BAIAP2L2: variants seen among roughly 807,000 people sequenced by gnomAD.
BAIAP2L2 encodes the protein BAR/IMD domain containing adaptor protein 2 like 2, also known as BAR/IMD domain-containing adapter protein 2-like 2.
A neutral mutation model predicts 60.4 loss-of-function variants in BAIAP2L2; 65 were observed. That is an observed-to-expected ratio of 1.08 (90% CI 0.88 to 1.32). BAIAP2L2 has a LOEUF of 1.32. Ranked by LOEUF, BAIAP2L2 falls within the 40% of genes most tolerant of loss-of-function variation. BAIAP2L2 has a pLI of 0.00. For synonymous variants in BAIAP2L2, 344 were observed against 301.7 expected, an observed-to-expected ratio of 1.14 and a Z score of -1.45; for missense variants, 836 against 741.2, an observed-to-expected ratio of 1.13 and a Z score of -1.48.
chr22:38,109,089 C>T, intron 2 of BAIAP2L2, 44 bp downstream of exon 2: 1 of 1,532,744 alleles, frequency 6.5e-7, no homozygotes. Context: ...GTGGGAACAG[C>T]AGAGGCCCAG....
intron 5 of BAIAP2L2, 115 bp from the exon 6 acceptor site, chr22:38,098,294 T>G: frequency 6.9e-7 from 1 of 1,443,674 alleles, no homozygotes; most frequent in Non-Finnish European, 9.7e-7. Context: ...GCTGGGAACA[T>G]GGATAATCTG....
At chr22:38,106,627 A>G (rs1333046568) in intron 4 of BAIAP2L2, among the ~76,000 whole-genome samples, 2 of 151,226 alleles carry the variant, frequency 1.3e-5, no homozygotes, top group Non-Finnish European at 2.9e-5. Flanking sequence ...GCTCCCCTTC[A>G]CACATTGGAG....
chr22:38,105,538 T>G (rs5750539), intron 4 of BAIAP2L2, among the ~76,000 whole-genome samples: 66,983 of 151,610 alleles, frequency 0.44, 16,198 homozygotes, highest in South Asian at 0.63. Flanking sequence ...AGACAAGGTT[T>G]CACCATGTTG....
Position 38,095,781 on chromosome 22 carries a change from A to G in BAIAP2L2, c.612+1251T>C, listed in dbSNP as rs1215334599. ...TGGCATTTTTGGAAAATAGGTGGAT[A>G]TATATGTGATTATGAAAGTCACAAA... On this transcript the variant is annotated intron_variant, in intron 7 of 13. Coordinates refer to ENST00000381669, the MANE Select transcript of BAIAP2L2 (RefSeq NM_025045.6). 2.0e-5 allele frequency among the ~76,000 whole-genome samples: 3 copies of G among 152,316 alleles called. No homozygotes were observed. In the East Asian group the frequency reaches 5.8e-4, roughly 29 times the overall value.
Position 38,089,624 on chromosome 22 carries a change from C to A in BAIAP2L2, c.663G>T (p.Glu221Asp). 8.1e-7 allele frequency: 1 copy of A among 1,233,046 alleles called. No homozygotes were observed. Among genetic ancestry groups the A allele is most frequent in the Non-Finnish European group, 1.0e-6 (1 of 989,036 alleles). The allele number at this position is 1,233,046 out of a possible 1,614,324, so 76.4% of individuals were successfully genotyped here. Residue 221 changes from glutamate to aspartate, a missense_variant, in exon 8 of 14, where the codon GAG becomes GAT. Coordinates refer to ENST00000381669, the MANE Select transcript of BAIAP2L2 (RefSeq NM_025045.6). ...GGGCGCGCGACGGGCTGCGGCTGGC[C>A]TCAGACTGCTCCTTCCACAGCAGCA... Reference protein sequence around the residue: ...NRVLLWKEQSEASRSPSRAHS... With the variant: ...NRVLLWKEQSDASRSPSRAHS...
chr22:38,109,345 A>AT lies in BAIAP2L2; in HGVS notation c.52-138dup, dbSNP rs2086742116. The AT allele has an allele frequency of 7.4e-6, 5 of 679,968 alleles. No individual in the cohort carries two copies. In the Admixed American group the frequency reaches 1.2e-4, roughly 16 times the overall value. 42.1% of individuals were successfully genotyped at this position (679,968 alleles called of 1,614,324 possible). A position where few individuals can be genotyped will look rare whatever the true frequency, so the allele number is the denominator to read the frequency against. Reference sequence around the variant, plus strand: ...AGAAGCCCCAGACTTTGGGGGGCCCATCTACAAACCTAGGCTCACCCAGAA... The same window carrying AT: ...AGAAGCCCCAGACTTTGGGGGGCCCATTCTACAAACCTAGGCTCACCCAGAA... On this transcript the variant is annotated intron_variant, in intron 1 of 13. Transcript: ENST00000381669.
rs1315652372 is a variant in BAIAP2L2 at position 38,098,186 on chromosome 22, T to C, written c.349-7A>G. The C allele has an allele frequency of 6.2e-7, 1 of 1,613,450 alleles. No homozygotes were observed. ...CATAGTGCTGGCGGCTGTCCTGGGG[T>C]AGGGTGGAGTCGGGGAGGGAGAATC... On this transcript the variant is annotated splice_polypyrimidine_tract_variant and splice_region_variant and intron_variant, in intron 5 of 13. Transcript: ENST00000381669.
At chr22:38,089,334 T>C in intron 8 of BAIAP2L2, 103 bp from the exon 9 acceptor site, 1 of 539,844 alleles carries the variant, frequency 1.9e-6, no homozygotes, top group Non-Finnish European at 2.7e-6. Flanking sequence ...GGCGTAGGGG[T>C]TCTGGGGGCG....
At chr22:38,096,924 C>A in intron 7 of BAIAP2L2, 108 bp downstream of exon 7, 1 of 1,275,916 alleles carries the variant, frequency 7.8e-7, no homozygotes, top group Non-Finnish European at 1.1e-6. Context: ...TACAGACAGG[C>A]AGGCAGGGAG....
chr22:38,110,775 G>T (rs191269980), upstream of BAIAP2L2: 42 of 519,338 alleles, frequency 8.1e-5, 1 homozygote, highest in African/African-American at 7.4e-4. Flanking sequence ...GGGCAGGCTC[G>T]TGTGACCTGC....
At chr22:38,107,472 G>A (rs12484232) in intron 4 of BAIAP2L2, among the ~76,000 whole-genome samples, 29,546 of 152,084 alleles carry the variant, frequency 0.19, 3,671 homozygotes, top group South Asian at 0.31. Flanking sequence ...CAGTGGGGCC[G>A]TGGAACGGTT....
intron 4 of BAIAP2L2, 70 bp from the exon 5 acceptor site, chr22:38,098,552 C>T: frequency 1.5e-6 from 2 of 1,316,706 alleles, no homozygotes; most frequent in South Asian, 2.5e-5. Flanking sequence ...CCCCCTTGCA[C>T]TTTCTGCTAT....
In BAIAP2L2 at chr22:38,085,367, T is replaced by A; in HGVS notation, c.1523A>T (p.Asn508Ile). The A allele has an allele frequency of 1.2e-6, 2 of 1,613,564 alleles. No homozygotes were observed. Among genetic ancestry groups the A allele is most frequent in the Non-Finnish European group, 1.7e-6 (2 of 1,179,670 alleles). Residue 508 changes from asparagine to isoleucine, a missense_variant, in exon 14 of 14, where the codon AAT becomes ATT. By Grantham distance (149) the Asn-to-Ile change is moderately radical (BLOSUM62 -3). Coordinates refer to ENST00000381669, the MANE Select transcript of BAIAP2L2 (RefSeq NM_025045.6). The stretch of plus-strand genomic sequence containing the variant: ...ACGAAGCTTGACAGTGGCAAAAGGA[T>A]TTGTGCCCCTGTAGGAGGAGAGAGA... ...PPQELFPRGT[N>I]PFATVKLRPT... is the part of the protein sequence containing the mutation.
Position 38,088,954 on chromosome 22 carries a change from G to A in BAIAP2L2, c.912C>T (p.Tyr304=). ...LPRTPSASSL[Y]SGSAQSSRSN... is the part of the protein sequence containing the mutation. ...AGCGCGAGCTTTGGGCGCTGCCGCTGTAGAGCGAGGCTGTGGGCGGGAGAG... is the reference window on the plus strand; with the variant it reads ...AGCGCGAGCTTTGGGCGCTGCCGCTATAGAGCGAGGCTGTGGGCGGGAGAG... Residue 304 remains tyrosine (Y), a synonymous_variant, in exon 10 of 14, where the codon TAC becomes TAT. Transcript: ENST00000381669. The A allele has an allele frequency of 1.3e-6, 2 of 1,527,818 alleles. No homozygotes were observed. Among genetic ancestry groups the A allele is most frequent in the Non-Finnish European group, 8.7e-7 (1 of 1,142,946 alleles). 94.6% of individuals were successfully genotyped at this position (1,527,818 alleles called of 1,614,324 possible).
chr22:38,110,698 A>G, upstream of BAIAP2L2: 1 of 573,568 alleles, frequency 1.7e-6, no homozygotes, highest in Non-Finnish European at 3.1e-6. Context: ...TTAATTATTC[A>G]CCAACTCGGG....
chr22:38,093,862 A>T, intron 7 of BAIAP2L2: 2 of 456,304 alleles, frequency 4.4e-6, no homozygotes, highest in South Asian at 3.1e-5. Flanking sequence ...AAGAGAGATG[A>T]AAACATATGT....
chr22:38,091,753 T>C (rs2086307682), intron 7 of BAIAP2L2, among the ~76,000 whole-genome samples: 1 of 152,154 alleles, frequency 6.6e-6, no homozygotes, highest in Admixed American at 6.5e-5. Flanking sequence ...AATGGCAAAC[T>C]GGCTATTGTA....
chr22:38,086,573 AG>A (rs1297616802), intron 11 of BAIAP2L2, 124 bp from the exon 12 acceptor site: 1 of 723,794 alleles, frequency 1.4e-6, no homozygotes, highest in Admixed American at 3.1e-5. Flanking sequence ...CCTGCATGAA[AG>A]GAGACTGTTG....
chr22:38,085,537 T>G (rs896725842), intron 13 of BAIAP2L2, 149 bp downstream of exon 13: 12 of 1,253,870 alleles, frequency 9.6e-6, no homozygotes, highest in African/African-American at 7.4e-5. Context: ...TTTTAAGAGA[T>G]AGGGTCTCAC....
Sources: allele counts gnomAD v4.1 joint callset (sites outside exome capture counted in the v4.1 genomes callset), GRCh38; gene constraint gnomAD v4.1.1; transcripts MANE v1.5; gene names NCBI Gene and HGNC (gene_info 2026-07-23, HGNC 2026-07-21).